The following PLXNA4 variants were observed in gnomAD, a reference collection of about 807,000 sequenced individuals.
PLXNA4 encodes plexin A4, also known as plexin-A4.
Under a neutral mutation model 191.8 loss-of-function variants are expected in PLXNA4, and 44 were observed. That is an observed-to-expected ratio of 0.23 (90% CI 0.18 to 0.29). The LOEUF is 0.29. PLXNA4 is among the 10% of genes least tolerant of loss of function. The pLI, the probability that PLXNA4 is intolerant of heterozygous loss-of-function variation, is 1.00. For synonymous variants in PLXNA4, 1,082 were observed against 1,009.5 expected (o/e 1.07, Z -1.36); for missense variants, 1,800 against 2,488.8 (o/e 0.72, Z 5.89).
rs537787288 is a variant in PLXNA4 at position 132,161,547 on chromosome 7, G to A, written c.4501-1915C>T. Among the ~76,000 whole-genome samples, 40 of 152,340 alleles carry A rather than the reference G, an allele frequency of 2.6e-4. 1 individual carries two copies. The South Asian group carries it at 8.3e-3, about 32-fold the overall frequency. ...TGAGATACAAAATCTGATCTAGGAG[G>A]TCTGGGATGGGGCCTGAGATTCTGC... On this transcript the variant is annotated intron_variant, in intron 24 of 31. Coordinates refer to ENST00000321063, the MANE Select transcript of PLXNA4 (RefSeq NM_020911.2).
Position 132,474,484 on chromosome 7 carries a change from C to A in PLXNA4, c.1371+14808G>T, listed in dbSNP as rs58958189. ...CCCCGCCCATCCTGCTTTCCATCAC[C>A]CAGGTTATTCACCCCAATTACAACA... On this transcript the variant is annotated intron_variant, in intron 3 of 31. Coordinates refer to ENST00000321063, the MANE Select transcript of PLXNA4 (RefSeq NM_020911.2). Among the ~76,000 whole-genome samples, 589 of 152,218 alleles carry A rather than the reference C, an allele frequency of 3.9e-3. 3 individuals are homozygous for A. Among genetic ancestry groups the A allele is most frequent in the African/African-American group, 0.013 (555 of 41,528 alleles).
At chr7:132,148,702 G>T (rs1795506595) in intron 25 of PLXNA4, 56 bp from the exon 26 acceptor site, 3 of 1,610,920 alleles carry the variant, frequency 1.9e-6, no homozygotes, top group Admixed American at 1.7e-5. Context: ...TTGTGGGGAA[G>T]CTGAGGACCC....
chr7:132,563,861 TCCTCTC>T (rs1563177032), intron 1 of PLXNA4, among the ~76,000 whole-genome samples: 1 of 91,264 alleles, frequency 1.1e-5, no homozygotes, highest in Non-Finnish European at 2.2e-5. Flanking sequence ...CTCCTCCTCC[TCCTCTC>T]CTCTTCCTCC....
At position 132,368,638 on chromosome 7, in the gene PLXNA4, C is replaced by T. The variant is rs138823738; in HGVS notation, c.1372-70416G>A. 4.1e-3 allele frequency among the ~76,000 whole-genome samples: 619 copies of T among 152,320 alleles called. 1 individual carries two copies. The highest frequency in any genetic ancestry group is 6.9e-3 in the Non-Finnish European group (468 of 68,020). Reference sequence around the variant, plus strand: ...ACCTGATGGACACACAGGTGTGGCGCGTCCTGCTGGGCTCAAAGACACCTG... The same window carrying T: ...ACCTGATGGACACACAGGTGTGGCGTGTCCTGCTGGGCTCAAAGACACCTG... On this transcript the variant is annotated intron_variant, in intron 3 of 31. Transcript: ENST00000321063.
Position 132,639,348 on chromosome 7 carries a change from T to C in PLXNA4, c.-87+6580A>G, listed in dbSNP as rs980442887. Reference sequence around the variant, plus strand: ...AAAGGGAAGATCAAACCTCATGCTCTTGCGTCCTCTGTTTCTATTTTCCTG... The same window carrying C: ...AAAGGGAAGATCAAACCTCATGCTCCTGCGTCCTCTGTTTCTATTTTCCTG... On this transcript the variant is annotated intron_variant, in intron 2 of 4. Coordinates refer to the PLXNA4 transcript ENST00000378539. Among the ~76,000 whole-genome samples the C allele has an allele frequency of 3.9e-5, 6 of 152,200 alleles. No homozygotes were observed. In the South Asian group the frequency reaches 1.2e-3, roughly 32 times the overall value.
At chr7:132,489,596 C>G (rs1358983577) in intron 2 of PLXNA4, 122 bp from the exon 3 acceptor site, 1 of 920,276 alleles carries the variant, frequency 1.1e-6, no homozygotes, top group Non-Finnish European at 1.5e-6. Context: ...AACAATCCCT[C>G]TTTTTTACAT....
rs115667848 is a variant in PLXNA4, at chr7:132,610,847, C to T, written c.-87+35081G>A. ...ACAGCGAAGGATTCCACCTTGAGTG[C>T]CATGATACTGCCTCTTGGAGGAGCA... On this transcript the variant is annotated intron_variant, in intron 2 of 4. Transcript: ENST00000378539. 6.0e-3 allele frequency among the ~76,000 whole-genome samples: 909 copies of T among 152,330 alleles called. 9 individuals are homozygous for T. Among genetic ancestry groups the T allele is most frequent in the African/African-American group, 0.021 (881 of 41,566 alleles).
At chr7:132,464,481 T>C (rs973129153) in intron 3 of PLXNA4, among the ~76,000 whole-genome samples, 3 of 152,314 alleles carry the variant, frequency 2.0e-5, no homozygotes, top group African/African-American at 7.2e-5. Context: ...TTAACCTGAT[T>C]CCTTATCTGT....
intron 3 of PLXNA4, among the ~76,000 whole-genome samples, chr7:132,354,334 C>A (rs1375516884): frequency 6.6e-6 from 1 of 152,120 alleles, no homozygotes; most frequent in Non-Finnish European, 1.5e-5. Flanking sequence ...TATTTGAAAC[C>A]CACTGGGGTC....
At chr7:132,156,165 C>CAG (rs1480212189) in intron 25 of PLXNA4, among the ~76,000 whole-genome samples, 1 of 151,672 alleles carries the variant, frequency 6.6e-6, no homozygotes, top group Non-Finnish European at 1.5e-5. Context: ...CACACACACA[C>CAG]ACACACACAC....
intron 2 of PLXNA4, among the ~76,000 whole-genome samples, chr7:132,644,853 C>T (rs929043447): frequency 5.9e-5 from 9 of 152,198 alleles, no homozygotes; most frequent in African/African-American, 2.2e-4. Flanking sequence ...AGACAAAAAT[C>T]TCAAGGCCCA....
chr7:132,235,642 G>A (rs999790279), intron 5 of PLXNA4, among the ~76,000 whole-genome samples: 1 of 152,168 alleles, frequency 6.6e-6, no homozygotes, highest in Non-Finnish European at 1.5e-5. Flanking sequence ...CAGGAGTGAT[G>A]CTGATGACTT....
At chr7:132,270,666 G>A (rs1800032732) in intron 4 of PLXNA4, among the ~76,000 whole-genome samples, 1 of 152,182 alleles carries the variant, frequency 6.6e-6, no homozygotes, top group African/African-American at 2.4e-5. Flanking sequence ...CAGGAAATCA[G>A]TACTGCTAAT....
chr7:132,537,457 T>C (rs1333826034), intron 1 of PLXNA4, among the ~76,000 whole-genome samples: 1 of 152,230 alleles, frequency 6.6e-6, no homozygotes, highest in Non-Finnish European at 1.5e-5. Context: ...ATCCTCTAAG[T>C]CCATACATTG....
intron 1 of PLXNA4, among the ~76,000 whole-genome samples, chr7:132,561,278 C>T (rs924659580): frequency 6.6e-6 from 1 of 151,852 alleles, no homozygotes; most frequent in Non-Finnish European, 1.5e-5. Flanking sequence ...GGATGCCCCT[C>T]TTCCTCCTCC....
rs768708674 is a variant in PLXNA4 at position 132,552,524 on chromosome 7, C to T, written c.-87+23898G>A. Among the ~76,000 whole-genome samples the T allele has an allele frequency of 5.9e-5, 9 of 152,168 alleles. No individual in the cohort carries two copies. The East Asian group carries it at 7.7e-4, about 13-fold the overall frequency. On this transcript the variant is annotated intron_variant, in intron 1 of 31. Transcript: ENST00000321063. ...CCCTGGGGGTGGGAATGGGGCAGCCCGCTTCTTCATCAGCTCCCAATTTCC... is the reference window on the plus strand; with the variant it reads ...CCCTGGGGGTGGGAATGGGGCAGCCTGCTTCTTCATCAGCTCCCAATTTCC...
chr7:132,612,919 C>T (rs914190547), intron 2 of PLXNA4, among the ~76,000 whole-genome samples: 5 of 151,972 alleles, frequency 3.3e-5, no homozygotes, highest in African/African-American at 1.2e-4. Flanking sequence ...TGAGATTATA[C>T]ACATGATCTT....
chr7:132,398,804 G>A (rs1423725643), intron 3 of PLXNA4, among the ~76,000 whole-genome samples: 2 of 152,208 alleles, frequency 1.3e-5, no homozygotes, highest in South Asian at 2.1e-4. Flanking sequence ...GCTCGAGGTG[G>A]ACAGGGCTGA....
intron 3 of PLXNA4, among the ~76,000 whole-genome samples, chr7:132,342,628 G>A (rs1473849628): frequency 6.6e-6 from 1 of 152,082 alleles, no homozygotes; most frequent in Non-Finnish European, 1.5e-5. Context: ...GACTCCCTGG[G>A]CCACTATATG....
Sources: gnomAD v4.1 joint callset for allele counts (sites outside exome capture counted in the v4.1 genomes callset) on GRCh38, gnomAD v4.1.1 for gene constraint, MANE v1.5 for transcripts, NCBI Gene and HGNC (gene_info 2026-07-23, HGNC 2026-07-21) for gene names.